The following INTS4 variants were observed in gnomAD, a reference collection of about 807,000 sequenced individuals.
The protein encoded by INTS4 is MSTP093.
A neutral mutation model predicts 119.5 loss-of-function variants in INTS4; 70 were observed. The observed-to-expected ratio is 0.59, with a 90% confidence interval of 0.48 to 0.71. INTS4 has a LOEUF of 0.71. Ranked by LOEUF, INTS4 falls within the 30% of genes least tolerant of loss-of-function variation. The probability of loss-of-function intolerance (pLI) is 0.00; values close to 1 mark genes in which losing one functional copy is unlikely to be tolerated. For missense variants in INTS4, 867 were observed against 1,173.2 expected (o/e 0.74, Z 3.81); for synonymous variants, 316 against 419.6 (o/e 0.75, Z 3.02).
chr11:77,878,176 C>T (rs980438004), downstream of INTS4, among the ~76,000 whole-genome samples: 2 of 152,048 alleles, frequency 1.3e-5, no homozygotes, highest in South Asian at 2.1e-4. Context: ...TCCTGGCTAA[C>T]ATGGTGAAAC....
Position 77,961,722 on chromosome 11 carries a change from G to T in INTS4, c.472-584C>A, listed in dbSNP as rs528134757. Reference sequence around the variant, plus strand: ...TCATTTGTTTATTTTTGTACTTTATGAAATCAAATAGCATCTGGCTTCTGT... The same window carrying T: ...TCATTTGTTTATTTTTGTACTTTATTAAATCAAATAGCATCTGGCTTCTGT... On this transcript the variant is annotated intron_variant, in intron 4 of 22. Coordinates refer to ENST00000534064, the MANE Select transcript of INTS4 (RefSeq NM_033547.4). Among the ~76,000 whole-genome samples, 19 of 152,198 alleles carry T rather than the reference G, an allele frequency of 1.2e-4. No individual in the cohort carries two copies. In the South Asian group the frequency reaches 1.7e-3, roughly 13 times the overall value.
At chr11:77,948,639 CCT>C (rs1487521734) in intron 8 of INTS4, among the ~76,000 whole-genome samples, 2 of 122,988 alleles carry the variant, frequency 1.6e-5, no homozygotes, top group Admixed American at 9.1e-5. Flanking sequence ...GGAGTGAGAC[CCT>C]GTCTCAAAGA....
intron 15 of INTS4, among the ~76,000 whole-genome samples, chr11:77,910,538 CA>C (rs1953067274): frequency 1.3e-5 from 2 of 151,650 alleles, no homozygotes; most frequent in Admixed American, 1.3e-4. Context: ...CACATGTATA[CA>C]TATGTAACTA....
intron 4 of INTS4, among the ~76,000 whole-genome samples, chr11:77,968,739 C>T (rs1234314303): frequency 6.6e-6 from 1 of 151,956 alleles, no homozygotes; most frequent in African/African-American, 2.4e-5. Flanking sequence ...TAGTATACAT[C>T]CAAGAGAACT....
intron 10 of INTS4, among the ~76,000 whole-genome samples, chr11:77,934,854 T>A (rs1415564256): frequency 6.6e-6 from 1 of 152,234 alleles, no homozygotes; most frequent in Non-Finnish European, 1.5e-5. Flanking sequence ...AATGATAAGA[T>A]AACCCAATTC....
chr11:77,900,028 G>A (rs555442475), intron 18 of INTS4, among the ~76,000 whole-genome samples: 1 of 151,794 alleles, frequency 6.6e-6, no homozygotes, highest in Non-Finnish European at 1.5e-5. Flanking sequence ...GCCATCACAA[G>A]CACCTTTGTT....
intron 4 of INTS4, among the ~76,000 whole-genome samples, chr11:77,976,235 T>C (rs921173969): frequency 6.6e-6 from 1 of 152,234 alleles, no homozygotes; most frequent in African/African-American, 2.4e-5. Flanking sequence ...AACTCTCATA[T>C]ACTGCTTGTG....
intron 21 of INTS4, among the ~76,000 whole-genome samples, chr11:77,884,219 A>G (rs1951901352): frequency 6.6e-6 from 1 of 152,202 alleles, no homozygotes; most frequent in Admixed American, 6.5e-5. Flanking sequence ...AGGTAAGAAT[A>G]TTAATTCTTA....
intron 18 of INTS4, among the ~76,000 whole-genome samples, chr11:77,895,389 C>G (rs1952465740): frequency 6.6e-6 from 1 of 151,654 alleles, no homozygotes; most frequent in African/African-American, 2.4e-5. Flanking sequence ...CATGAGTAGA[C>G]TTTGTATTCT....
intron 18 of INTS4, chr11:77,900,630 T>C: frequency 4.3e-6 from 3 of 700,530 alleles, no homozygotes; most frequent in Non-Finnish European, 7.8e-6. Context: ...AAGTACTTTT[T>C]TGTATCAAAT....
At chr11:77,896,888 A>G (rs1952549206) in intron 18 of INTS4, among the ~76,000 whole-genome samples, 1 of 152,140 alleles carries the variant, frequency 6.6e-6, no homozygotes, top group Admixed American at 6.5e-5. Context: ...GAAAGAAAAC[A>G]CATACCTAGA....
At chr11:77,940,455 T>G (rs1040885130) in intron 9 of INTS4, among the ~76,000 whole-genome samples, 2 of 151,566 alleles carry the variant, frequency 1.3e-5, no homozygotes, top group Non-Finnish European at 2.9e-5. Context: ...AAAAATGGCG[T>G]GGGGTTGGGG....
intron 14 of INTS4, among the ~76,000 whole-genome samples, 175 bp downstream of exon 14, chr11:77,921,165 G>A (rs1953351480): frequency 6.6e-6 from 1 of 152,138 alleles, no homozygotes; most frequent in Non-Finnish European, 1.5e-5. Flanking sequence ...ACACAGTGGT[G>A]CTCACCTGTA....
intron 15 of INTS4, chr11:77,918,320 C>T: frequency 2.0e-6 from 1 of 500,792 alleles, no homozygotes; most frequent in Non-Finnish European, 3.6e-6. Flanking sequence ...GCCTGTGGTC[C>T]CAGCTACTTG....
chr11:77,878,193 T>C (rs1951657271), downstream of INTS4, among the ~76,000 whole-genome samples: 1 of 151,926 alleles, frequency 6.6e-6, no homozygotes, highest in Non-Finnish European at 1.5e-5. Context: ...AAACCCCGTC[T>C]CTACTAAAAA....
At chr11:77,936,613 T>G (rs1953797820) in intron 10 of INTS4, among the ~76,000 whole-genome samples, 1 of 152,166 alleles carries the variant, frequency 6.6e-6, no homozygotes, top group South Asian at 2.1e-4. Flanking sequence ...ACCCAAATTC[T>G]AATCAAACTT....
intron 4 of INTS4, among the ~76,000 whole-genome samples, chr11:77,971,951 G>C (rs546628573): frequency 6.6e-6 from 1 of 152,244 alleles, no homozygotes; most frequent in South Asian, 2.1e-4. Flanking sequence ...ATGGTGTGAG[G>C]TAAGTTTCCA....
Position 77,883,827 on chromosome 11 carries a change from C to G in INTS4, c.2713+5G>C. The G allele has an allele frequency of 6.2e-7, 1 of 1,612,942 alleles. No homozygotes were observed. Among genetic ancestry groups the G allele is most frequent in the Non-Finnish European group, 8.5e-7 (1 of 1,179,468 alleles). ...TCCCTTCCCACCCTGGTCCTGACTC[C>G]TTACCTGTCCAAGCGGTGTGGGAGA... is the stretch of plus-strand genomic sequence containing the variant. On this transcript the variant is annotated splice_donor_5th_base_variant and intron_variant, in intron 22 of 22. Transcript: ENST00000534064.
intron 13 of INTS4, among the ~76,000 whole-genome samples, chr11:77,922,019 G>A (rs1006554192): frequency 1.3e-5 from 2 of 151,620 alleles, no homozygotes; most frequent in African/African-American, 4.8e-5. Context: ...CAACAGGTTA[G>A]GAATTTGAGA....
Sources: allele counts gnomAD v4.1 joint callset (sites outside exome capture counted in the v4.1 genomes callset), GRCh38; gene constraint gnomAD v4.1.1; transcripts MANE v1.5; gene names NCBI Gene and HGNC (gene_info 2026-07-23, HGNC 2026-07-21).